CFAP299: variants seen among roughly 807,000 people sequenced by gnomAD.
The protein encoded by CFAP299 is cilia- and flagella-associated protein 299.
Under a neutral mutation model 27.0 loss-of-function variants are expected in CFAP299, and 21 were observed. The ratio of observed to expected loss-of-function variants is 0.78; its 90% CI spans 0.55 to 1.12. The LOEUF is 1.12. CFAP299 is among the 50% of genes most tolerant of loss of function. CFAP299 has a pLI of 0.00. For synonymous variants in CFAP299, 104 were observed against 98.1 expected (o/e 1.06, Z -0.36); for missense variants, 310 against 276.6 (o/e 1.12, Z -0.86).
chr4:80,618,825 A>G (rs1463576426), intron 3 of CFAP299, among the ~76,000 whole-genome samples: 1 of 152,084 alleles, frequency 6.6e-6, no homozygotes, highest in Non-Finnish European at 1.5e-5. Flanking sequence ...GGTAAGTATA[A>G]TATAATAATA....
intron 3 of CFAP299, among the ~76,000 whole-genome samples, chr4:80,586,446 G>A (rs1736444509): frequency 6.6e-6 from 1 of 151,988 alleles, no homozygotes; most frequent in Non-Finnish European, 1.5e-5. Flanking sequence ...TTTTATTAGA[G>A]ATGTAAAGAT....
In CFAP299 at chr4:80,955,031, A is replaced by AC. The variant is rs1384541730; in HGVS notation, c.607-8486_607-8485insC. Among the ~76,000 whole-genome samples the AC allele has an allele frequency of 1.5e-3, 44 of 29,598 alleles. 13 individuals are homozygous for AC. The highest frequency in any genetic ancestry group is 5.8e-3 in the African/African-American group (44 of 7,528). 19.4% of individuals were successfully genotyped at this position (29,598 alleles called of 152,430 possible). On this transcript the variant is annotated intron_variant, in intron 5 of 5. Coordinates refer to ENST00000358105, the MANE Select transcript of CFAP299 (RefSeq NM_152770.3). ...AAAAAAAAAAAAAAAAAAAAAAAAA[A>AC]AAACGCACACATGGCCATATACAGA...
At chr4:80,387,543 G>T in intron 2 of CFAP299, 1 of 910,364 alleles carries the variant, frequency 1.1e-6, no homozygotes, top group African/African-American at 1.6e-5. Context: ...CCAACCCTGT[G>T]TTTTCCTCAT....
chr4:80,635,023 G>T (rs1165876613), intron 3 of CFAP299, among the ~76,000 whole-genome samples: 1 of 152,004 alleles, frequency 6.6e-6, no homozygotes, highest in Non-Finnish European at 1.5e-5. Flanking sequence ...GTCTCCCAGA[G>T]AAATATAATG....
At chr4:80,870,334 A>C (rs1475813314) in intron 4 of CFAP299, 199 bp downstream of exon 4, 5 of 1,242,616 alleles carry the variant, frequency 4.0e-6, no homozygotes, top group Non-Finnish European at 5.0e-6. Flanking sequence ...GAGAAAAAGG[A>C]TTCTTCAGAG....
intron 2 of CFAP299, among the ~76,000 whole-genome samples, chr4:80,390,902 C>T (rs199679255): frequency 0.01 from 463 of 44,738 alleles, 19 homozygotes; most frequent in African/African-American, 0.018. Context: ...CACACATATG[C>T]ATATATGTAT....
At chr4:80,642,966 G>A (rs1028094095) in intron 3 of CFAP299, among the ~76,000 whole-genome samples, 1 of 151,820 alleles carries the variant, frequency 6.6e-6, no homozygotes, top group Non-Finnish European at 1.5e-5. Context: ...GAAGTAGCCA[G>A]TGAAATAGGA....
chr4:80,713,734 C>T (rs1372559704), intron 3 of CFAP299, among the ~76,000 whole-genome samples: 1 of 152,144 alleles, frequency 6.6e-6, no homozygotes, highest in African/African-American at 2.4e-5. Context: ...GAGCTATGGC[C>T]TTATTCACTA....
intron 4 of CFAP299, among the ~76,000 whole-genome samples, chr4:80,903,998 TAA>T (rs1368294095): frequency 6.6e-6 from 1 of 152,198 alleles, no homozygotes; most frequent in Non-Finnish European, 1.5e-5. Flanking sequence ...TTTAATGACA[TAA>T]AGTCATTTTG....
At chr4:80,329,375 C>T in the CFAP299 span, among the ~76,000 whole-genome samples, 1 of 151,950 alleles carries the variant, frequency 6.6e-6, no homozygotes, top group Non-Finnish European at 1.5e-5. Context: ...ATGATAATAT[C>T]CTTGAAGATT....
chr4:80,694,860 A>G (rs898660593), intron 3 of CFAP299, among the ~76,000 whole-genome samples: 3 of 152,224 alleles, frequency 2.0e-5, no homozygotes, highest in African/African-American at 7.2e-5. Context: ...CAGAATGAAT[A>G]TATTATAAAT....
chr4:80,466,482 A>G (rs1396566387), intron 2 of CFAP299, among the ~76,000 whole-genome samples: 1 of 152,220 alleles, frequency 6.6e-6, no homozygotes, highest in Non-Finnish European at 1.5e-5. Flanking sequence ...TATCTAAAAT[A>G]AGTGCAAAGT....
At chr4:80,831,065 C>A (rs1730272966) in intron 3 of CFAP299, among the ~76,000 whole-genome samples, 1 of 152,052 alleles carries the variant, frequency 6.6e-6, no homozygotes, top group African/African-American at 2.4e-5. Context: ...CACTCCCAAG[C>A]CCATACTCAG....
At chr4:80,671,472 T>C (rs1423909007) in intron 3 of CFAP299, among the ~76,000 whole-genome samples, 3 of 152,210 alleles carry the variant, frequency 2.0e-5, no homozygotes, top group East Asian at 3.8e-4. Flanking sequence ...GTCTTGGCAA[T>C]GCGGGCTCTT....
chr4:80,934,590 T>C (rs1386285052), intron 4 of CFAP299, among the ~76,000 whole-genome samples: 1 of 152,082 alleles, frequency 6.6e-6, no homozygotes, highest in Non-Finnish European at 1.5e-5. Flanking sequence ...TTTGTCTGTT[T>C]AGATTTTCTC....
At chr4:80,942,501 AT>A (rs1367781461) in intron 4 of CFAP299, among the ~76,000 whole-genome samples, 1 of 152,158 alleles carries the variant, frequency 6.6e-6, no homozygotes, top group Non-Finnish European at 1.5e-5. Flanking sequence ...TTAAATACTA[AT>A]AATAATCAGC....
intron 2 of CFAP299, among the ~76,000 whole-genome samples, chr4:80,389,454 C>T (rs1382767338): frequency 2.6e-5 from 4 of 152,142 alleles, no homozygotes; most frequent in African/African-American, 9.7e-5. Context: ...AGGCAATTTG[C>T]AGCTGTGGAA....
At chr4:80,568,154 G>A (rs1398944939) in intron 2 of CFAP299, among the ~76,000 whole-genome samples, 1 of 151,742 alleles carries the variant, frequency 6.6e-6, no homozygotes, top group Non-Finnish European at 1.5e-5. Context: ...ATGAGTGTGT[G>A]TTATTCTGAT....
chr4:80,444,613 G>A (rs557329163), intron 2 of CFAP299, among the ~76,000 whole-genome samples: 1 of 152,220 alleles, frequency 6.6e-6, no homozygotes, highest in Admixed American at 6.5e-5. Flanking sequence ...CAGGACTTAG[G>A]CATGGGCAAA....
Sources: gnomAD v4.1 joint callset for allele counts (sites outside exome capture counted in the v4.1 genomes callset) on GRCh38, gnomAD v4.1.1 for gene constraint, MANE v1.5 for transcripts, NCBI Gene and HGNC (gene_info 2026-07-23, HGNC 2026-07-21) for gene names.